Variants in PASD1 observed in about 807,000 individuals in gnomAD.
PASD1 encodes circadian clock protein PASD1.
PASD1 carries 13 observed loss-of-function variants against 58.8 expected under a neutral mutation model. That is an observed-to-expected ratio of 0.22 (90% CI 0.14 to 0.35). PASD1 has a LOEUF of 0.35. Among genes scored for constraint, PASD1 ranks in the 10% least tolerant of loss-of-function variants. The probability of loss-of-function intolerance (pLI) is 1.00; values close to 1 mark genes in which losing one functional copy is unlikely to be tolerated. For missense variants in PASD1, 734 were observed against 568.3 expected (o/e 1.29, Z -2.96); for synonymous variants, 236 against 216.7 (o/e 1.09, Z -0.78).
intron 1 of PASD1, among the ~76,000 whole-genome samples, chrX:151,588,742 G>A (rs192368880): frequency 6.2e-4 from 70 of 112,063 alleles, no homozygotes; most frequent in African/African-American, 2.2e-3. Flanking sequence ...GTGAGGATAT[G>A]TTCTCTCTTA....
chrX:151,630,170 A>G (rs1249887584), intron 8 of PASD1, among the ~76,000 whole-genome samples: 1 of 112,047 alleles, frequency 8.9e-6, no homozygotes, highest in Non-Finnish European at 1.9e-5. Context: ...TTTAATGAAG[A>G]AAAGTCTGAT....
intron 7 of PASD1, among the ~76,000 whole-genome samples, chrX:151,623,432 C>G (rs952039196): frequency 9.4e-6 from 1 of 106,096 alleles, no homozygotes; most frequent in Non-Finnish European, 1.9e-5. Flanking sequence ...CCACCACAAC[C>G]CCATTGGGTA....
chrX:151,602,585 A>G (rs769564600), intron 2 of PASD1, among the ~76,000 whole-genome samples: 2 of 110,040 alleles, frequency 1.8e-5, no homozygotes, highest in African/African-American at 3.3e-5. Flanking sequence ...AGTCCCGGCT[A>G]CTCGGGAGGC....
At chrX:151,652,542 AAAAAC>A (rs1479393574) in intron 9 of PASD1, among the ~76,000 whole-genome samples, 130 of 105,686 alleles carry the variant, frequency 1.2e-3, no homozygotes, top group Non-Finnish European at 1.9e-3. Flanking sequence ...CAAAAAAAAA[AAAAAC>A]AAAAAACAAA....
chrX:151,606,317 T>C (rs1211824520), intron 3 of PASD1, among the ~76,000 whole-genome samples: 1 of 112,136 alleles, frequency 8.9e-6, no homozygotes, highest in Non-Finnish European at 1.9e-5. Flanking sequence ...TTCTCTTCAC[T>C]TTCCAGTTTC....
intron 9 of PASD1, among the ~76,000 whole-genome samples, chrX:151,657,547 G>C (rs2014259627): frequency 9.0e-6 from 1 of 111,454 alleles, no homozygotes; most frequent in Admixed American, 9.5e-5. Flanking sequence ...GCCTGTTATT[G>C]GTCTATTCAG....
chrX:151,611,483 G>A (rs1017352362), intron 3 of PASD1, among the ~76,000 whole-genome samples, 181 bp from the exon 4 acceptor site: 1 of 112,291 alleles, frequency 8.9e-6, no homozygotes, highest in African/African-American at 3.2e-5. Flanking sequence ...TTAAGGTTAA[G>A]TAGATTCTGT....
chrX:151,567,448 A>T (rs1399114942), intron 1 of PASD1, among the ~76,000 whole-genome samples: 1 of 111,851 alleles, frequency 8.9e-6, no homozygotes, highest in Non-Finnish European at 1.9e-5. Context: ...CTGGAAATAA[A>T]GATGCAGTGT....
At chrX:151,615,683 C>A (rs1329023115) in intron 4 of PASD1, among the ~76,000 whole-genome samples, 1 of 111,825 alleles carries the variant, frequency 8.9e-6, no homozygotes, top group African/African-American at 3.2e-5. Context: ...TCTTCAGTTT[C>A]ATTACATATC....
chrX:151,604,228 A>G (rs1305244131), intron 2 of PASD1, among the ~76,000 whole-genome samples: 3 of 112,086 alleles, frequency 2.7e-5, no homozygotes, highest in Non-Finnish European at 5.6e-5. Context: ...GCTTAAATAG[A>G]TGAAGCTAAA....
chrX:151,656,037 T>G (rs2014236549), intron 9 of PASD1, among the ~76,000 whole-genome samples: 1 of 112,070 alleles, frequency 8.9e-6, no homozygotes, highest in African/African-American at 3.2e-5. Context: ...TTGTATAAGG[T>G]GTAAGGAAGG....
chrX:151,614,223 G>A (rs1313103073), intron 4 of PASD1, among the ~76,000 whole-genome samples: 3 of 111,069 alleles, frequency 2.7e-5, no homozygotes, highest in Non-Finnish European at 5.7e-5. Context: ...GACCTCAAGC[G>A]ATCCGCCCAT....
intron 1 of PASD1, among the ~76,000 whole-genome samples, chrX:151,564,294 G>GT (rs2012794421): frequency 8.9e-6 from 1 of 112,340 alleles, no homozygotes; most frequent in Non-Finnish European, 1.9e-5. Flanking sequence ...CGGTGTGCTG[G>GT]GGTGGGCGCG....
At chrX:151,625,300 A>G (rs906802519) in intron 7 of PASD1, 148 bp from the exon 8 acceptor site, 5 of 420,485 alleles carry the variant, frequency 1.2e-5, no homozygotes, top group Non-Finnish European at 1.6e-5. Context: ...TCAGTTTTCA[A>G]ATCTGTAAAA....
intron 11 of PASD1, among the ~76,000 whole-genome samples, chrX:151,666,514 C>T (rs904068689): frequency 6.5e-5 from 7 of 108,339 alleles, no homozygotes; most frequent in Non-Finnish European, 1.3e-4. Context: ...AGGTATATCT[C>T]CTAATGCTAT....
intron 9 of PASD1, among the ~76,000 whole-genome samples, chrX:151,652,406 G>A (rs1237066508): frequency 9.1e-6 from 1 of 109,918 alleles, no homozygotes; most frequent in African/African-American, 3.3e-5. Flanking sequence ...GGTGGCACAC[G>A]CCTGTAGTCC....
In PASD1 at chrX:151,623,197, G is replaced by C. The variant is rs573227621; in HGVS notation, c.546+133G>C. 4 of 724,973 alleles carry C rather than the reference G, an allele frequency of 5.5e-6. No homozygotes were observed. In the South Asian group the frequency reaches 1.4e-4, roughly 26 times the overall value. The allele number at this position is 724,973 out of a possible 1,213,427, so 59.7% of individuals were successfully genotyped here. On this transcript the variant is annotated intron_variant, in intron 7 of 15. Coordinates refer to ENST00000370357, the MANE Select transcript of PASD1 (RefSeq NM_173493.3). ...CAGTGTGTGCAGAGGGTTGTGCTGG[G>C]ATATGTAAATAAGGAAAATCAGCTC...
intron 1 of PASD1, among the ~76,000 whole-genome samples, chrX:151,567,045 AAAATAAAT>A (rs370364202): frequency 0.02 from 1,928 of 94,935 alleles, 24 homozygotes; most frequent in Non-Finnish European, 0.022. Flanking sequence ...ACTCCGTCTC[AAAATAAAT>A]AAATAAATAA....
intron 1 of PASD1, among the ~76,000 whole-genome samples, chrX:151,591,292 C>T (rs2013243040): frequency 8.9e-6 from 1 of 111,764 alleles, no homozygotes; most frequent in East Asian, 2.8e-4. Flanking sequence ...TTCTTGTAAA[C>T]TAAAACAAAT....
Sources: gnomAD v4.1 joint callset for allele counts (sites outside exome capture counted in the v4.1 genomes callset) on GRCh38, gnomAD v4.1.1 for gene constraint, MANE v1.5 for transcripts, NCBI Gene and HGNC (gene_info 2026-07-23, HGNC 2026-07-21) for gene names.